The following PADI3 variants were observed in gnomAD, a reference collection of about 807,000 sequenced individuals.
The protein encoded by PADI3 is peptidyl arginine deiminase 3.
In PADI3, 53 loss-of-function variants were observed where a neutral mutation model predicts 71.5. The ratio of observed to expected loss-of-function variants is 0.74; its 90% CI spans 0.59 to 0.93. The LOEUF (loss-of-function observed/expected upper bound fraction) is 0.93. PADI3 is among the 40% of genes least tolerant of loss of function. PADI3 has a pLI of 0.00. For synonymous variants in PADI3, 361 were observed against 347.5 expected (o/e 1.04, Z -0.43); for missense variants, 821 against 868.0 (o/e 0.95, Z 0.68).
Position 17,270,378 on chromosome 1 carries a change from C to A in PADI3, c.798C>A (p.Ser266=), listed in dbSNP as rs576881243. ...FPDAGFTGLI[S]FHVTLLDDSN... ...ATGCCGGCTTCACAGGACTCATCTC[C>A]TTCCATGTCACTCTGCTGGACGACT... The change falls in exon 7 of 16, where the codon TCC becomes TCA. Residue 266 remains serine, a synonymous_variant. Coordinates refer to ENST00000375460, the MANE Select transcript of PADI3 (RefSeq NM_016233.2). The A allele has an allele frequency of 1.2e-6, 2 of 1,613,754 alleles. No individual in the cohort carries two copies. The highest frequency in any genetic ancestry group is 2.7e-5 in the African/African-American group (2 of 74,928).
chr1:17,259,311 G>A (rs755611764), intron 1 of PADI3, among the ~76,000 whole-genome samples: 23 of 152,222 alleles, frequency 1.5e-4, no homozygotes, highest in Middle Eastern at 6.8e-3. Context: ...GCCCGCCTCG[G>A]CTTCCCAAAG....
Position 17,270,509 on chromosome 1 carries a change from A to G in PADI3, c.831+98A>G, listed in dbSNP as rs897855508. 76 of 1,121,484 alleles carry G rather than the reference A, an allele frequency of 6.8e-5. No individual in the cohort carries two copies. In the African/African-American group the frequency reaches 1.1e-3, roughly 16 times the overall value. 69.5% of individuals were successfully genotyped at this position (1,121,484 alleles called of 1,614,324 possible). A position where few individuals can be genotyped will look rare whatever the true frequency, so the allele number is the denominator to read the frequency against. ...ACAAAAAAAAAAAAAATAGCGAGGT[A>G]TAGTGGTGTACACCTATAGTCCCAG... is the stretch of plus-strand genomic sequence containing the variant. On this transcript the variant is annotated intron_variant, in intron 7 of 15. Transcript: ENST00000375460.
At chr1:17,270,850 G>A in intron 7 of PADI3, 29 bp from the exon 8 acceptor site, 1 of 1,553,394 alleles carries the variant, frequency 6.4e-7, no homozygotes, top group Non-Finnish European at 8.9e-7. Context: ...CAAGTCCAGT[G>A]CTCTTTCTCC....
chr1:17,266,623 A>G (rs546807091), intron 4 of PADI3, 96 bp from the exon 5 acceptor site: 8 of 934,608 alleles, frequency 8.6e-6, no homozygotes, highest in Admixed American at 1.7e-5. Flanking sequence ...CTAGCCTCAC[A>G]GGGTTGGGTG....
At chr1:17,268,179 T>A (rs984042979) in intron 6 of PADI3, among the ~76,000 whole-genome samples, 1 of 152,236 alleles carries the variant, frequency 6.6e-6, no homozygotes, top group Non-Finnish European at 1.5e-5. Context: ...GGTCATTTTA[T>A]TTGATGAATG....
At chr1:17,254,217 G>A (rs545648208) in intron 1 of PADI3, among the ~76,000 whole-genome samples, 4 of 152,106 alleles carry the variant, frequency 2.6e-5, no homozygotes, top group East Asian at 3.9e-4. Context: ...TGGGATCCTC[G>A]CTGACTGGGG....
chr1:17,265,538 T>C (rs1183993212), intron 3 of PADI3, 121 bp from the exon 4 acceptor site: 1 of 861,296 alleles, frequency 1.2e-6, no homozygotes, highest in Non-Finnish European at 1.9e-6. Flanking sequence ...CCCTCACCTC[T>C]TGGATGGTGT....
In PADI3 at chr1:17,267,837, A is replaced by T. The variant is rs755955967; in HGVS notation, c.527A>T (p.Asp176Val). 5.0e-6 allele frequency: 8 copies of T among 1,613,512 alleles called. No individual in the cohort carries two copies. The highest frequency in any genetic ancestry group is 5.9e-6 in the Non-Finnish European group (7 of 1,180,036). ...ACTACCACTCTGTCTGGCTTCACAG[A>T]CCTGGAAGACATGTCTGTCATGGTC... is the stretch of plus-strand genomic sequence containing the variant. The part of the protein sequence containing the change: ...NCDQHVHCLQ[D>V]LEDMSVMVLR... The change falls in exon 6 of 16, where the codon GAC becomes GTC. Residue 176 changes from aspartate (D) to valine (V), a missense_variant and splice_region_variant. Physicochemically the swap from Asp to Val is radical, Grantham distance 152. Coordinates refer to ENST00000375460, the MANE Select transcript of PADI3 (RefSeq NM_016233.2).
chr1:17,259,938 G>A (rs1351049841), intron 2 of PADI3, among the ~76,000 whole-genome samples, 180 bp downstream of exon 2: 2 of 152,218 alleles, frequency 1.3e-5, no homozygotes, highest in African/African-American at 2.4e-5. Context: ...CATACCATGT[G>A]TCCTTGGAAA....
intron 14 of PADI3, 27 bp downstream of exon 14, chr1:17,280,456 G>A (rs747401646): frequency 1.9e-6 from 3 of 1,594,744 alleles, no homozygotes; most frequent in South Asian, 1.1e-5. Flanking sequence ...GTACCTGTGG[G>A]CTGTGATTTG....
chr1:17,278,783 T>C (rs928655630), intron 13 of PADI3, among the ~76,000 whole-genome samples: 4 of 152,002 alleles, frequency 2.6e-5, no homozygotes, highest in Non-Finnish European at 2.9e-5. Context: ...GGAAGGCAGA[T>C]AGCATCCTAG....
At position 17,280,443 on chromosome 1, in the gene PADI3, G is replaced by A. The variant is rs554696365; in HGVS notation, c.1635+14G>A. The stretch of plus-strand genomic sequence containing the variant: ...AAGTTTGTGCAGGTACAAGGGCTGT[G>A]GTGTACCTGTGGGCTGTGATTTGGG... On this transcript the variant is annotated intron_variant, in intron 14 of 15. Coordinates refer to ENST00000375460, the MANE Select transcript of PADI3 (RefSeq NM_016233.2). 3 of 1,605,068 alleles carry A rather than the reference G, an allele frequency of 1.9e-6. No homozygotes were observed. The highest frequency in any genetic ancestry group is 1.7e-5 in the Admixed American group (1 of 60,026).
chr1:17,272,773 T>G (rs1226061982), intron 9 of PADI3, among the ~76,000 whole-genome samples: 1 of 152,152 alleles, frequency 6.6e-6, no homozygotes, highest in African/African-American at 2.4e-5. Context: ...GCTGGGATTA[T>G]AGGTGTGAGC....
At chr1:17,279,453 C>T (rs1021379317) in intron 13 of PADI3, among the ~76,000 whole-genome samples, 19 of 152,186 alleles carry the variant, frequency 1.2e-4, no homozygotes, top group African/African-American at 4.1e-4. Context: ...TGGGACTGGA[C>T]CCCAGCTTCC....
intron 1 of PADI3, among the ~76,000 whole-genome samples, chr1:17,249,480 C>T (rs2100549691): frequency 6.6e-6 from 1 of 152,202 alleles, no homozygotes; most frequent in East Asian, 1.9e-4. Context: ...AGACCGGGGG[C>T]TTGGAGGGGG....
chr1:17,277,415 G>A (rs1196759025), intron 13 of PADI3, among the ~76,000 whole-genome samples: 2 of 152,140 alleles, frequency 1.3e-5, no homozygotes, highest in African/African-American at 2.4e-5. Context: ...GGCTGGTCTC[G>A]AACTCCTGAC....
chr1:17,282,860 GC>G lies in PADI3; in HGVS notation c.1777del (p.Leu593TrpfsTer98), dbSNP rs1172524862. 2.5e-6 allele frequency: 4 copies of G among 1,611,572 alleles called. No homozygotes were observed. The highest frequency in any genetic ancestry group is 1.3e-5 in the African/African-American group (1 of 74,852). On this transcript the variant is annotated frameshift_variant, in exon 16 of 16. Coordinates refer to ENST00000375460, the MANE Select transcript of PADI3 (RefSeq NM_016233.2). LOFTEE classifies it high-confidence loss of function. ...FFPDLVNMLV[L>X]GKHLGIPKPF... ...TTGGACTGCAGGTGAACATGCTGGT[GC>G]TGGGGAAGCACCTGGGCATCCCCAA...
At chr1:17,276,945 C>A in intron 13 of PADI3, 69 bp downstream of exon 13, 1 of 1,345,580 alleles carries the variant, frequency 7.4e-7, no homozygotes, top group Non-Finnish European at 1.0e-6. Context: ...CACATCATGG[C>A]TTGAGAGGGG....
chr1:17,259,563 C>T lies in PADI3; in HGVS notation c.93-15C>T. The stretch of plus-strand genomic sequence containing the variant: ...ATCTCCTTCGGCACCGACCATGGCT[C>T]TCTGCCCTGCCCAGGTCAGTGCCTG... On this transcript the variant is annotated splice_polypyrimidine_tract_variant and intron_variant, in intron 1 of 15. Coordinates refer to ENST00000375460, the MANE Select transcript of PADI3 (RefSeq NM_016233.2). The T allele has an allele frequency of 1.3e-6, 2 of 1,570,452 alleles. No homozygotes were observed. Among genetic ancestry groups the T allele is most frequent in the East Asian group, 2.3e-5 (1 of 43,604 alleles).
Sources: gnomAD v4.1 joint callset for allele counts (sites outside exome capture counted in the v4.1 genomes callset) on GRCh38, gnomAD v4.1.1 for gene constraint, MANE v1.5 for transcripts, NCBI Gene and HGNC (gene_info 2026-07-23, HGNC 2026-07-21) for gene names.